DNAJC15: variants seen among roughly 807,000 people sequenced by gnomAD.
DNAJC15 encodes DnaJ heat shock protein family (Hsp40) member C15, also known as dnaJ homolog subfamily C member 15.
DNAJC15 carries 27 observed loss-of-function variants against 22.4 expected under a neutral mutation model. The observed-to-expected ratio is 1.20, with a 90% CI of 0.89 to 1.66. The LOEUF (loss-of-function observed/expected upper bound fraction) is 1.66, where lower values mean the gene tolerates loss of function less well. Among genes scored for constraint, DNAJC15 ranks in the 40% most tolerant of loss-of-function variants. The pLI, the probability that DNAJC15 is intolerant of heterozygous loss-of-function variation, is 0.00. For missense variants in DNAJC15, 208 were observed against 187.1 expected, an observed-to-expected ratio of 1.11 and a Z score of -0.65; for synonymous variants, 79 against 63.2, an observed-to-expected ratio of 1.25 and a Z score of -1.19.
At chr13:43,025,065 AAG>A (rs2040374575) in intron 1 of DNAJC15, among the ~76,000 whole-genome samples, 1 of 151,898 alleles carries the variant, frequency 6.6e-6, no homozygotes, top group African/African-American at 2.4e-5. Context: ...GTCTCCAACA[AAG>A]AAAAAAAAAT....
At chr13:43,100,752 A>G (rs565604290) in intron 5 of DNAJC15, among the ~76,000 whole-genome samples, 1 of 152,194 alleles carries the variant, frequency 6.6e-6, no homozygotes, top group South Asian at 2.1e-4. Context: ...ATTATTGGGT[A>G]GTGTTCTGTA....
At position 43,046,594 on chromosome 13, in the gene DNAJC15, G is replaced by A. The variant is rs547532202; in HGVS notation, c.109-19092G>A. On this transcript the variant is annotated intron_variant, in intron 1 of 5. Coordinates refer to ENST00000379221, the MANE Select transcript of DNAJC15 (RefSeq NM_013238.3). ...TAAAGAAATAGTCAAATCATATATC[G>A]CCTGAGAGCACAGGGGGAGGGGCAG... Among the ~76,000 whole-genome samples, 5 of 152,134 alleles carry A rather than the reference G, an allele frequency of 3.3e-5. No homozygotes were observed. In the South Asian group the frequency reaches 8.3e-4, roughly 25 times the overall value.
chr13:43,085,655 C>T, intron 4 of DNAJC15, 113 bp from the exon 5 acceptor site: 1 of 724,244 alleles, frequency 1.4e-6, no homozygotes, highest in Non-Finnish European at 2.2e-6. Flanking sequence ...CATATTTGTC[C>T]ACAAGATGGT....
chr13:43,062,471 TA>T (rs991820724), intron 1 of DNAJC15, among the ~76,000 whole-genome samples: 16 of 152,326 alleles, frequency 1.1e-4, no homozygotes, highest in African/African-American at 3.8e-4. Flanking sequence ...AAAATGGGTC[TA>T]GGGGGAGACA....
chr13:43,092,091 A>G (rs1385018949), intron 5 of DNAJC15, among the ~76,000 whole-genome samples: 2 of 152,216 alleles, frequency 1.3e-5, no homozygotes, highest in African/African-American at 4.8e-5. Flanking sequence ...AGATAGGGGT[A>G]AAACCTCCTA....
At chr13:43,040,655 C>T (rs2040449186) in intron 1 of DNAJC15, among the ~76,000 whole-genome samples, 1 of 151,928 alleles carries the variant, frequency 6.6e-6, no homozygotes, top group Non-Finnish European at 1.5e-5. Context: ...AAAAAGGGGG[C>T]CCAGGGGACC....
At chr13:43,074,947 G>T (rs762300240) in intron 3 of DNAJC15, among the ~76,000 whole-genome samples, 36 of 152,154 alleles carry the variant, frequency 2.4e-4, no homozygotes, top group Admixed American at 5.2e-4. Context: ...ACTCACCTAT[G>T]CTGAGGCCAA....
At chr13:43,077,208 A>G (rs896824751) in intron 3 of DNAJC15, among the ~76,000 whole-genome samples, 1 of 152,208 alleles carries the variant, frequency 6.6e-6, no homozygotes, top group African/African-American at 2.4e-5. Flanking sequence ...ACAACAAATA[A>G]ACAGCTGCTC....
intron 1 of DNAJC15, among the ~76,000 whole-genome samples, chr13:43,047,231 A>G (rs762721125): frequency 1.1e-4 from 16 of 152,232 alleles, no homozygotes; most frequent in African/African-American, 1.4e-4. Flanking sequence ...TGGAAATCCA[A>G]AGAAATAAAA....
intron 5 of DNAJC15, among the ~76,000 whole-genome samples, chr13:43,103,824 G>T (rs1479768884): frequency 6.6e-6 from 1 of 152,038 alleles, no homozygotes; most frequent in Non-Finnish European, 1.5e-5. Context: ...ATCTTATTAG[G>T]TATATTCAGA....
At chr13:43,028,076 T>C (rs1373988578) in intron 1 of DNAJC15, among the ~76,000 whole-genome samples, 1 of 152,202 alleles carries the variant, frequency 6.6e-6, no homozygotes, top group Non-Finnish European at 1.5e-5. Flanking sequence ...TGGTGCCTGA[T>C]GTGTGGTAAA....
chr13:43,059,443 G>A (rs953406557), intron 1 of DNAJC15, among the ~76,000 whole-genome samples: 1 of 151,830 alleles, frequency 6.6e-6, no homozygotes, highest in Non-Finnish European at 1.5e-5. Context: ...GCGCAATCTC[G>A]GCTCACCGCT....
intron 1 of DNAJC15, among the ~76,000 whole-genome samples, chr13:43,060,932 A>C (rs775880351): frequency 6.6e-6 from 1 of 152,190 alleles, no homozygotes; most frequent in African/African-American, 2.4e-5. Flanking sequence ...TAGTTTCCTG[A>C]CATGTGAGTA....
chr13:43,034,870 G>T (rs2040422427), intron 1 of DNAJC15, among the ~76,000 whole-genome samples: 1 of 151,956 alleles, frequency 6.6e-6, no homozygotes, highest in Non-Finnish European at 1.5e-5. Flanking sequence ...TGTATTTCCT[G>T]CCCCAGTCCC....
At chr13:43,067,099 T>G (rs569429585) in intron 2 of DNAJC15, among the ~76,000 whole-genome samples, 1 of 152,372 alleles carries the variant, frequency 6.6e-6, no homozygotes, top group South Asian at 2.1e-4. Context: ...CGGTTTGATC[T>G]TGTTAATTGG....
intron 1 of DNAJC15, among the ~76,000 whole-genome samples, chr13:43,049,334 A>G (rs1323539629): frequency 6.6e-6 from 1 of 152,244 alleles, no homozygotes; most frequent in East Asian, 1.9e-4. Context: ...AACATTCAAA[A>G]TAAAAGTCGA....
intron 1 of DNAJC15, among the ~76,000 whole-genome samples, chr13:43,026,031 CTG>C (rs2040379271): frequency 6.6e-6 from 1 of 152,196 alleles, no homozygotes; most frequent in Non-Finnish European, 1.5e-5. Context: ...TGTAGAATCA[CTG>C]TGTATGTGAC....
rs549702839 is a variant in DNAJC15 at position 43,105,605 on chromosome 13, ACTCT to A, written c.383-1570_383-1567del. Among the ~76,000 whole-genome samples, 617 of 151,988 alleles carry A rather than the reference ACTCT, an allele frequency of 4.1e-3. 4 individuals carry two copies. The highest frequency in any genetic ancestry group is 0.013 in the African/African-American group (556 of 41,446). On this transcript the variant is annotated intron_variant, in intron 5 of 5. Transcript: ENST00000379221. ...ATCAATAAGTATAATATTTAATAAGACTCTCTATCATCTGTGCCTTTGATTTTTT... is the reference window on the plus strand; with the variant it reads ...ATCAATAAGTATAATATTTAATAAGACTATCATCTGTGCCTTTGATTTTTT...
At chr13:43,061,993 T>C (rs1207209042) in intron 1 of DNAJC15, among the ~76,000 whole-genome samples, 1 of 152,212 alleles carries the variant, frequency 6.6e-6, no homozygotes, top group Admixed American at 6.5e-5. Flanking sequence ...GTCTCTCACA[T>C]GCAATACAGT....
Sources: allele counts gnomAD v4.1 joint callset (sites outside exome capture counted in the v4.1 genomes callset), GRCh38; gene constraint gnomAD v4.1.1; transcripts MANE v1.5; gene names NCBI Gene and HGNC (gene_info 2026-07-23, HGNC 2026-07-21).